THADA: variants seen among roughly 807,000 people sequenced by gnomAD.
THADA encodes tRNA (32-2'-O)-methyltransferase regulator THADA.
In THADA, 213 loss-of-function variants were observed where a neutral mutation model predicts 219.8. The ratio of observed to expected loss-of-function variants is 0.97; its 90% CI spans 0.87 to 1.09. The LOEUF (loss-of-function observed/expected upper bound fraction) is 1.09, where lower values mean the gene tolerates loss of function less well. Ranked by LOEUF, THADA falls within the 50% of genes least tolerant of loss-of-function variation. The probability of loss-of-function intolerance (pLI) is 0.00; values close to 1 mark genes in which losing one functional copy is unlikely to be tolerated. For missense variants in THADA, 2,956 were observed against 2,311.3 expected (o/e 1.28, Z -5.72); for synonymous variants, 1,018 against 828.9 (o/e 1.23, Z -3.92).
chr2:43,423,507 A>G (rs1242767257), intron 28 of THADA, among the ~76,000 whole-genome samples: 1 of 149,412 alleles, frequency 6.7e-6, no homozygotes, highest in African/African-American at 2.5e-5. Flanking sequence ...ATCTCTGCTC[A>G]CTGCAAGCTC....
intron 7 of THADA, 83 bp from the exon 8 acceptor site, chr2:43,582,011 T>C (rs988321221): frequency 2.0e-6 from 2 of 1,019,552 alleles, no homozygotes; most frequent in African/African-American, 1.6e-5. Context: ...AATAAATACA[T>C]TCCTCAAAGG....
chr2:43,544,838 TC>T (rs1450972779), intron 20 of THADA, among the ~76,000 whole-genome samples: 1 of 150,886 alleles, frequency 6.6e-6, no homozygotes, highest in African/African-American at 2.4e-5. Flanking sequence ...CAATTTGACT[TC>T]CTCTTTTCCT....
chr2:43,512,681 T>C (rs1229973890), intron 22 of THADA, among the ~76,000 whole-genome samples: 1 of 152,168 alleles, frequency 6.6e-6, no homozygotes, highest in African/African-American at 2.4e-5. Flanking sequence ...TTTGTATTTT[T>C]AGTAGAGATG....
At chr2:43,564,158 G>A (rs1698402896) in intron 15 of THADA, 2 of 152,170 alleles carry the variant, frequency 1.3e-5, no homozygotes, top group Non-Finnish European at 2.9e-5. Flanking sequence ...TCACTCTAAG[G>A]TAAAAACTTA....
chr2:43,562,513 T>G (rs1357964577), intron 15 of THADA: 1 of 152,280 alleles, frequency 6.6e-6, no homozygotes, highest in Non-Finnish European at 1.5e-5. Flanking sequence ...CCCAAAGTGG[T>G]GGGATTACAG....
chr2:43,292,823 G>A lies in THADA; in HGVS notation c.4818+11C>T. ...AGTGTAAAGGGCCAGTCAGTACGTT[G>A]GAGACTTTACCTTGCAGAAGCATTC... On this transcript the variant is annotated intron_variant, in intron 32 of 37. Coordinates refer to ENST00000405975, the MANE Select transcript of THADA (RefSeq NM_022065.5). 6.2e-7 allele frequency: 1 copy of A among 1,608,558 alleles called. No individual in the cohort carries two copies. Among genetic ancestry groups the A allele is most frequent in the Middle Eastern group, 1.7e-4 (1 of 6,054 alleles).
At chr2:43,357,710 T>C (rs1293644437) in intron 29 of THADA, among the ~76,000 whole-genome samples, 1 of 152,158 alleles carries the variant, frequency 6.6e-6, no homozygotes, top group Non-Finnish European at 1.5e-5. Flanking sequence ...TATAAAGAAG[T>C]TGTAGATTTA....
intron 20 of THADA, among the ~76,000 whole-genome samples, chr2:43,548,045 T>C (rs1290338831): frequency 6.6e-6 from 1 of 152,146 alleles, no homozygotes; most frequent in African/African-American, 2.4e-5. Flanking sequence ...GGGTTTTTGG[T>C]GTGGATGTCC....
At chr2:43,569,312 T>C (rs986564779) in intron 14 of THADA, among the ~76,000 whole-genome samples, 4 of 152,222 alleles carry the variant, frequency 2.6e-5, no homozygotes, top group Admixed American at 2.0e-4. Context: ...TAGAGAGATA[T>C]ATAGTTTACA....
At chr2:43,473,733 C>T (rs1033167773) in intron 26 of THADA, among the ~76,000 whole-genome samples, 3 of 151,964 alleles carry the variant, frequency 2.0e-5, no homozygotes, top group African/African-American at 7.2e-5. Flanking sequence ...CTCAGCCTCC[C>T]GAGTAGCTGG....
At chr2:43,542,211 T>C (rs1353185884) in intron 20 of THADA, among the ~76,000 whole-genome samples, 1 of 152,148 alleles carries the variant, frequency 6.6e-6, no homozygotes, top group East Asian at 1.9e-4. Flanking sequence ...GTGTTTTTAT[T>C]TAAAAAGCCC....
chr2:43,463,703 GGTGCCAA>G (rs1683902821), intron 26 of THADA, among the ~76,000 whole-genome samples: 3 of 106,032 alleles, frequency 2.8e-5, no homozygotes, highest in African/African-American at 1.7e-4. Flanking sequence ...AAATTCCAAT[GGTGCCAA>G]TGGTGCACCA....
At chr2:43,348,561 T>C (rs1378491749) in intron 29 of THADA, among the ~76,000 whole-genome samples, 1 of 152,114 alleles carries the variant, frequency 6.6e-6, no homozygotes, top group Non-Finnish European at 1.5e-5. Flanking sequence ...TTGTGACATC[T>C]CCACCCCACC....
intron 28 of THADA, among the ~76,000 whole-genome samples, chr2:43,426,871 G>A (rs1558741699): frequency 6.6e-6 from 1 of 152,172 alleles, no homozygotes; most frequent in Non-Finnish European, 1.5e-5. Flanking sequence ...GAGCTAAGCA[G>A]AAAGGTAATA....
intron 15 of THADA, chr2:43,564,016 G>A (rs748961865): frequency 5.3e-5 from 8 of 152,178 alleles, no homozygotes; most frequent in Non-Finnish European, 7.3e-5. Flanking sequence ...ACATTTAAAT[G>A]TATTAAATTA....
chr2:43,582,818 C>T (rs750572190), intron 7 of THADA, among the ~76,000 whole-genome samples: 2 of 151,998 alleles, frequency 1.3e-5, no homozygotes, highest in Non-Finnish European at 2.9e-5. Context: ...ATCCACCTGC[C>T]TCGCCCTCCC....
At chr2:43,439,391 T>G (rs536793783) in intron 26 of THADA, among the ~76,000 whole-genome samples, 2 of 152,206 alleles carry the variant, frequency 1.3e-5, no homozygotes, top group African/African-American at 4.8e-5. Flanking sequence ...ATTTATAAAT[T>G]ATGAGTAGGG....
intron 25 of THADA, chr2:43,486,370 T>C (rs1686918988): frequency 6.6e-6 from 1 of 152,206 alleles, no homozygotes; most frequent in Admixed American, 6.5e-5. Flanking sequence ...GGGTCTTGAC[T>C]GTTTTGGCAC....
chr2:43,365,662 G>C (rs1249302592), intron 29 of THADA, among the ~76,000 whole-genome samples: 2 of 151,990 alleles, frequency 1.3e-5, no homozygotes, highest in Non-Finnish European at 2.9e-5. Flanking sequence ...GATGAGGCTG[G>C]CTTGCACAAG....
Sources: allele counts gnomAD v4.1 joint callset (sites outside exome capture counted in the v4.1 genomes callset), GRCh38; gene constraint gnomAD v4.1.1; transcripts MANE v1.5; gene names NCBI Gene and HGNC (gene_info 2026-07-23, HGNC 2026-07-21).